NFIB: variants seen among roughly 807,000 people sequenced by gnomAD.
NFIB encodes nuclear factor I B.
NFIB carries 11 observed loss-of-function variants against 61.5 expected under a neutral mutation model. That is an observed-to-expected ratio of 0.18 (90% CI 0.11 to 0.30). The LOEUF (loss-of-function observed/expected upper bound fraction) is 0.30. NFIB is among the 10% of genes least tolerant of loss of function. The probability of loss-of-function intolerance (pLI) is 1.00; values close to 1 mark genes in which losing one functional copy is unlikely to be tolerated. For synonymous variants in NFIB, 260 were observed against 216.5 expected, an observed-to-expected ratio of 1.20 and a Z score of -1.76; for missense variants, 471 against 608.9, an observed-to-expected ratio of 0.77 and a Z score of 2.38.
chr9:14,274,741 T>C (rs142732843), intron 2 of NFIB, among the ~76,000 whole-genome samples: 15 of 152,272 alleles, frequency 9.9e-5, no homozygotes, highest in East Asian at 3.9e-4. Context: ...TGGGCTAAAA[T>C]TGACAAAATT....
rs1392602990 is a variant in NFIB at position 14,395,536 on chromosome 9, A to G, written c.108+2988T>C. On this transcript the variant is annotated intron_variant, in intron 1 of 8. Transcript: ENST00000380934. ...TGTTTTTCTCGTGAGCCCCACAAATATAAAGCTCCCTTAATCCACACTAAA... is the reference window on the plus strand; with the variant it reads ...TGTTTTTCTCGTGAGCCCCACAAATGTAAAGCTCCCTTAATCCACACTAAA... 2.0e-5 allele frequency among the ~76,000 whole-genome samples: 3 copies of G among 151,986 alleles called. No individual in the cohort carries two copies. The East Asian group carries it at 5.8e-4, about 30-fold the overall frequency.
the NFIB span, among the ~76,000 whole-genome samples, chr9:14,414,949 T>C: frequency 6.6e-6 from 1 of 152,202 alleles, no homozygotes; most frequent in Non-Finnish European, 1.5e-5. Flanking sequence ...TGCTGACTAA[T>C]AAACCACCAC....
the NFIB span, among the ~76,000 whole-genome samples, chr9:14,474,309 G>T: frequency 6.6e-6 from 1 of 152,122 alleles, no homozygotes; most frequent in African/African-American, 2.4e-5. Flanking sequence ...TTCTTGCTGT[G>T]TAAGAGTCAA....
chr9:14,281,279 G>A (rs958274315), intron 2 of NFIB, among the ~76,000 whole-genome samples: 4 of 152,154 alleles, frequency 2.6e-5, no homozygotes, highest in African/African-American at 9.7e-5. Context: ...GGCTGCTTCA[G>A]AAAACTATTA....
In NFIB at chr9:14,084,542, A is replaced by G. The variant is rs1294964116; in HGVS notation, c.*3767T>C. On this transcript the variant is annotated 3_prime_UTR_variant, in exon 11 of 11. Coordinates refer to ENST00000380953, the MANE Select transcript of NFIB (RefSeq NM_001190737.2). The stretch of plus-strand genomic sequence containing the variant: ...ATTTTTTTCCTTAGACAAGCCTCAA[A>G]TGCTCACGTCACTCCAGGGGTAACA... The G allele has an allele frequency of 4.4e-6, 1 of 226,562 alleles. No homozygotes were observed. Among genetic ancestry groups the G allele is most frequent in the Non-Finnish European group, 8.8e-6 (1 of 113,700 alleles). 14.0% of individuals were successfully genotyped at this position (226,562 alleles called of 1,614,324 possible). A position where few individuals can be genotyped will look rare whatever the true frequency, so the allele number is the denominator to read the frequency against.
At chr9:14,202,128 T>TCACACACATA (rs1554671426) in intron 2 of NFIB, among the ~76,000 whole-genome samples, 1 of 147,078 alleles carries the variant, frequency 6.8e-6, no homozygotes, top group African/African-American at 2.5e-5. Flanking sequence ...TTGATACTTT[T>TCACACACATA]CACACACACA....
chr9:14,405,366 C>T, the NFIB span, among the ~76,000 whole-genome samples: 2 of 152,186 alleles, frequency 1.3e-5, no homozygotes, highest in East Asian at 3.9e-4. Context: ...CTAATGTGCA[C>T]ATTCATTCCA....
chr9:14,252,543 A>G (rs2055751014), intron 2 of NFIB, among the ~76,000 whole-genome samples: 1 of 152,180 alleles, frequency 6.6e-6, no homozygotes, highest in Non-Finnish European at 1.5e-5. Context: ...GTTAAAAAAA[A>G]CAGAAACTGC....
rs908645803 is a variant in NFIB, at chr9:14,120,262, T to C, written c.1245+178A>G. Among the ~76,000 whole-genome samples, 1 of 152,220 alleles carries C rather than the reference T, an allele frequency of 6.6e-6. No individual in the cohort carries two copies. The highest frequency in any genetic ancestry group is 2.4e-5 in the African/African-American group (1 of 41,460). On this transcript the variant is annotated intron_variant, in intron 8 of 10. Coordinates refer to ENST00000380953, the MANE Select transcript of NFIB (RefSeq NM_001190737.2). The surrounding 1 kb of genome is among the most constrained non-coding windows in gnomAD (Gnocchi z 4.4). ...GTACCCTTTGGGGCAACACACTTCC[T>C]ACCTGTCATTCAGCCACCTTTAAAT...
At chr9:14,393,543 C>T (rs1297846605) in intron 1 of NFIB, among the ~76,000 whole-genome samples, 1 of 152,220 alleles carries the variant, frequency 6.6e-6, no homozygotes, top group Non-Finnish European at 1.5e-5. Context: ...GCCAACTCTG[C>T]TGTACCTGGT....
chr9:14,364,230 A>G (rs1331067029), intron 1 of NFIB, among the ~76,000 whole-genome samples: 1 of 152,156 alleles, frequency 6.6e-6, no homozygotes, highest in African/African-American at 2.4e-5. Context: ...AAATCGTGCA[A>G]TTTGGGAATG....
At chr9:14,405,782 G>A in the NFIB span, among the ~76,000 whole-genome samples, 1 of 152,152 alleles carries the variant, frequency 6.6e-6, no homozygotes, top group Non-Finnish European at 1.5e-5. Flanking sequence ...ACAAATCAAG[G>A]GTGAAGTCTT....
intron 2 of NFIB, among the ~76,000 whole-genome samples, chr9:14,273,825 A>G (rs57104195): frequency 0.011 from 1,678 of 152,248 alleles, 33 homozygotes; most frequent in African/African-American, 0.038. Context: ...CGTTTCCTGA[A>G]GCTGAGCTGC....
chr9:14,516,850 T>G, the NFIB span, among the ~76,000 whole-genome samples: 2 of 152,248 alleles, frequency 1.3e-5, no homozygotes, highest in Non-Finnish European at 2.9e-5. Context: ...TATGCTAATC[T>G]GAGCCTGGAA....
rs192301145 is a variant in NFIB, at chr9:14,136,404, C to G, written c.925+10285G>C. On this transcript the variant is annotated intron_variant, in intron 6 of 10. Coordinates refer to ENST00000380953, the MANE Select transcript of NFIB (RefSeq NM_001190737.2). ...CGGGAAAACCTCTTGGCTATGGAGT[C>G]TTATTAATGTTAAGCATCTGAGAGC... 3.9e-5 allele frequency among the ~76,000 whole-genome samples: 6 copies of G among 152,114 alleles called. No individual in the cohort carries two copies. The East Asian group carries it at 1.2e-3, about 29-fold the overall frequency.
At chr9:14,379,276 C>G (rs1215702971) in intron 1 of NFIB, among the ~76,000 whole-genome samples, 1 of 152,154 alleles carries the variant, frequency 6.6e-6, no homozygotes, top group Non-Finnish European at 1.5e-5. Flanking sequence ...ATAAAGGAAG[C>G]TTGACTGAGC....
the NFIB span, among the ~76,000 whole-genome samples, chr9:14,432,491 G>A: frequency 2.5e-4 from 38 of 152,336 alleles, no homozygotes; most frequent in East Asian, 7.3e-3. Flanking sequence ...TTCTTCAAAT[G>A]AGAAATTCAT....
intron 5 of NFIB, among the ~76,000 whole-genome samples, chr9:14,147,486 T>C (rs955940723): frequency 6.6e-6 from 1 of 151,976 alleles, no homozygotes; most frequent in Non-Finnish European, 1.5e-5. Context: ...CTATCATTAA[T>C]AATAAAAAAT....
intron 3 of NFIB, among the ~76,000 whole-genome samples, chr9:14,167,372 A>G (rs1206225773): frequency 3.3e-5 from 5 of 152,096 alleles, no homozygotes; most frequent in Non-Finnish European, 5.9e-5. Flanking sequence ...GCGAAACCCT[A>G]CATCTACTAA....
Sources: gnomAD v4.1 joint callset for allele counts (sites outside exome capture counted in the v4.1 genomes callset) on GRCh38, gnomAD v4.1.1 for gene constraint, Gnocchi (gnomAD v3.1) non-coding constraint, MANE v1.5 for transcripts, NCBI Gene and HGNC (gene_info 2026-07-23, HGNC 2026-07-21) for gene names.